The following ANTXR1 variants were observed in gnomAD, a reference collection of about 807,000 sequenced individuals.
ANTXR1 encodes the protein anthrax toxin receptor 1.
In ANTXR1, 19 loss-of-function variants were observed where a neutral mutation model predicts 78.1. That is an observed-to-expected ratio of 0.24 (90% CI 0.17 to 0.36). ANTXR1 has a LOEUF of 0.36. ANTXR1 is among the 10% of genes least tolerant of loss of function. The probability of loss-of-function intolerance (pLI) is 1.00; values close to 1 mark genes in which losing one functional copy is unlikely to be tolerated. For missense variants in ANTXR1, 518 were observed against 718.6 expected (o/e 0.72, Z 3.19); for synonymous variants, 273 against 260.5 (o/e 1.05, Z -0.46).
intron 17 of ANTXR1, among the ~76,000 whole-genome samples, chr2:69,210,935 C>T: frequency 4.6e-5 from 2 of 43,528 alleles, no homozygotes; most frequent in East Asian, 1.0e-3. Context: ...GACTCCATCA[C>T]AAAAAAAAAA....
At chr2:69,060,069 T>C (rs936189213) in intron 3 of ANTXR1, among the ~76,000 whole-genome samples, 1 of 152,226 alleles carries the variant, frequency 6.6e-6, no homozygotes, top group Non-Finnish European at 1.5e-5. Flanking sequence ...AAAAATTCCT[T>C]GATGGGCTCC....
intron 14 of ANTXR1, among the ~76,000 whole-genome samples, chr2:69,177,589 C>A (rs1674157019): frequency 1.3e-5 from 2 of 152,164 alleles, no homozygotes; most frequent in Non-Finnish European, 2.9e-5. Flanking sequence ...CACAACTTCC[C>A]TTGATGGGAA....
At chr2:69,030,308 G>A (rs1166110287) in intron 1 of ANTXR1, among the ~76,000 whole-genome samples, 2 of 152,112 alleles carry the variant, frequency 1.3e-5, no homozygotes, top group Admixed American at 6.6e-5. Context: ...AGTGTTAAAC[G>A]CATACAGACA....
Position 69,172,336 on chromosome 2 carries a change from A to G in ANTXR1, c.1089+2047A>G, listed in dbSNP as rs756940014. 2.5e-6 allele frequency: 4 copies of G among 1,595,916 alleles called. No homozygotes were observed. In the Admixed American group the frequency reaches 6.7e-5, roughly 27 times the overall value. On this transcript the variant is annotated intron_variant, in intron 14 of 17. Coordinates refer to ENST00000303714, the MANE Select transcript of ANTXR1 (RefSeq NM_032208.3). ...GTGTGTTGGCCCTGTGAGTTAGGCC[A>G]CCTAATCTCCTTCCTAATGTATTTT...
At chr2:69,222,644 G>T (rs554439755) in intron 17 of ANTXR1, among the ~76,000 whole-genome samples, 20 of 152,354 alleles carry the variant, frequency 1.3e-4, no homozygotes, top group Non-Finnish European at 2.2e-4. Flanking sequence ...TCACTGGATG[G>T]TGAAGAAGGG....
intron 17 of ANTXR1, among the ~76,000 whole-genome samples, chr2:69,206,397 C>A (rs1195790837): frequency 6.6e-6 from 1 of 152,192 alleles, no homozygotes; most frequent in African/African-American, 2.4e-5. Context: ...TAATAAGGGG[C>A]AGCATTCTCC....
chr2:69,124,556 T>C lies in ANTXR1; in HGVS notation c.873-9T>C. ...TGCTGAGAGTCTGCTTCCCTTGTTG[T>C]CATTGCAGGAAAGCTGCACTCCAGG... On this transcript the variant is annotated splice_polypyrimidine_tract_variant and intron_variant, in intron 11 of 17. Coordinates refer to ENST00000303714, the MANE Select transcript of ANTXR1 (RefSeq NM_032208.3). The C allele has an allele frequency of 6.2e-7, 1 of 1,613,928 alleles. No individual in the cohort carries two copies. The highest frequency in any genetic ancestry group is 1.1e-5 in the South Asian group (1 of 91,076).
intron 7 of ANTXR1, among the ~76,000 whole-genome samples, chr2:69,076,272 C>T (rs1670727947): frequency 6.6e-6 from 1 of 152,278 alleles, no homozygotes; most frequent in South Asian, 2.1e-4. Flanking sequence ...CCACCACACC[C>T]GGGCCAAATT....
At chr2:69,134,884 C>T (rs774893763) in intron 12 of ANTXR1, 197 of 197,318 alleles carry the variant, frequency 1.0e-3, no homozygotes, top group Non-Finnish European at 1.5e-3. Context: ...CCAAATCAGT[C>T]TCCTCTATTT....
intron 8 of ANTXR1, among the ~76,000 whole-genome samples, chr2:69,079,296 A>G (rs1670830079): frequency 1.3e-5 from 2 of 152,172 alleles, no homozygotes; most frequent in African/African-American, 4.8e-5. Flanking sequence ...TAAAACAACA[A>G]CCCAAGGGAT....
Position 69,038,586 on chromosome 2 carries a change from C to A in ANTXR1, c.153-1458C>A, listed in dbSNP as rs562824371. Among the ~76,000 whole-genome samples the A allele has an allele frequency of 1.1e-4, 16 of 152,252 alleles. No individual in the cohort carries two copies. The South Asian group carries it at 3.1e-3, about 30-fold the overall frequency. On this transcript the variant is annotated intron_variant, in intron 1 of 17. Transcript: ENST00000303714. ...AAATGAGCAAATGTTAACTTATTTT[C>A]CCATTTTTTTAAAGAAATAAGAATG...
intron 16 of ANTXR1, among the ~76,000 whole-genome samples, chr2:69,192,758 G>C (rs1417581359): frequency 2.0e-5 from 3 of 152,140 alleles, no homozygotes; most frequent in Non-Finnish European, 4.4e-5. Flanking sequence ...ACCTCAAAGG[G>C]GTTGTGGTTT....
At position 69,128,422 on chromosome 2, in the gene ANTXR1, G is replaced by A. The variant is rs189446756; in HGVS notation, c.951+3779G>A. On this transcript the variant is annotated intron_variant, in intron 12 of 17. Coordinates refer to ENST00000303714, the MANE Select transcript of ANTXR1 (RefSeq NM_032208.3). ...TTATAGTGGAAGCTTAATGAAAAAA[G>A]TTTTAACTAATTTGAGATTCTTCCT... is the stretch of plus-strand genomic sequence containing the variant. Among the ~76,000 whole-genome samples the A allele has an allele frequency of 5.6e-3, 859 of 152,234 alleles. 21 individuals carry two copies. The highest frequency in any genetic ancestry group is 0.046 in the Admixed American group (701 of 15,286).
chr2:69,243,062 G>A (rs1158906846), intron 17 of ANTXR1, among the ~76,000 whole-genome samples: 1 of 152,202 alleles, frequency 6.6e-6, no homozygotes, highest in Non-Finnish European at 1.5e-5. Flanking sequence ...CAAGCTCAGA[G>A]AAACAGGGGT....
At chr2:69,075,452 A>C (rs1670699861) in intron 6 of ANTXR1, 138 bp from the exon 7 acceptor site, 1 of 815,886 alleles carries the variant, frequency 1.2e-6, no homozygotes, top group Admixed American at 1.7e-5. Context: ...GGGGACAGGG[A>C]TTGCCTTCTC....
intron 17 of ANTXR1, among the ~76,000 whole-genome samples, chr2:69,244,195 G>A (rs947342847): frequency 6.6e-6 from 1 of 152,226 alleles, no homozygotes. Flanking sequence ...GCTACTTAAG[G>A]CTGGCTTTGG....
chr2:69,020,394 C>CTGTTTTGTTTTGTTTTGTTT (rs57902226), intron 1 of ANTXR1, among the ~76,000 whole-genome samples: 219 of 151,302 alleles, frequency 1.4e-3, no homozygotes, highest in African/African-American at 5.2e-3. Context: ...TAAGGCAAAA[C>CTGTTTTGTTTTGTTTTGTTT]TGTTTTGTTT....
intron 10 of ANTXR1, among the ~76,000 whole-genome samples, chr2:69,110,786 TGA>T (rs1671956614): frequency 1.3e-5 from 2 of 152,072 alleles, no homozygotes; most frequent in South Asian, 4.2e-4. Flanking sequence ...GGCGTGAACC[TGA>T]GAGGCAGAGC....
chr2:69,157,174 C>T (rs962887168), intron 13 of ANTXR1, among the ~76,000 whole-genome samples: 1 of 152,230 alleles, frequency 6.6e-6, no homozygotes. Context: ...CACTGTCGAC[C>T]TCTCTCTCCT....
Sources: gnomAD v4.1 joint callset for allele counts (sites outside exome capture counted in the v4.1 genomes callset) on GRCh38, gnomAD v4.1.1 for gene constraint, MANE v1.5 for transcripts, NCBI Gene and HGNC (gene_info 2026-07-23, HGNC 2026-07-21) for gene names.